The following POP5 variants were observed in gnomAD, a reference collection of about 807,000 sequenced individuals.
The protein encoded by POP5 is POP5 ribonuclease P/MRP subunit.
In POP5, 18 loss-of-function variants were observed where a neutral mutation model predicts 20.7. That is an observed-to-expected ratio of 0.87 (90% confidence interval 0.60 to 1.29). The LOEUF (loss-of-function observed/expected upper bound fraction) is 1.29, where lower values mean the gene tolerates loss of function less well. Among genes scored for constraint, POP5 ranks in the 50% most tolerant of loss-of-function variants. The pLI, the probability that POP5 is intolerant of heterozygous loss-of-function variation, is 0.00. For synonymous variants in POP5, 91 were observed against 78.0 expected, an observed-to-expected ratio of 1.17 and a Z score of -0.88; for missense variants, 200 against 203.2, an observed-to-expected ratio of 0.98 and a Z score of 0.10.
chr12:120,580,929 G>T, intron 2 of POP5, 186 bp downstream of exon 2: 1 of 884,860 alleles, frequency 1.1e-6, no homozygotes. Context: ...CTGCCTTCGG[G>T]CCCCTCCTTT....
Position 120,579,757 on chromosome 12 carries a change from TACC to T in POP5, c.313+14_313+16del, listed in dbSNP as rs769822031. 2 of 1,597,108 alleles carry T rather than the reference TACC, an allele frequency of 1.3e-6. No individual in the cohort carries two copies. The highest frequency in any genetic ancestry group is 2.2e-5 in the South Asian group (2 of 90,652). On this transcript the variant is annotated intron_variant, in intron 3 of 4. Transcript: ENST00000357500. ...GTCACCAATTGAAAATCAGTAGCCA[TACC>T]ACCTCACTCCTACCTCCCACATGTA...
intron 2 of POP5, 98 bp from the exon 3 acceptor site, chr12:120,580,021 C>T: frequency 8.3e-7 from 1 of 1,211,464 alleles, no homozygotes; most frequent in Non-Finnish European, 1.2e-6. Flanking sequence ...GCGGGCAGAT[C>T]ACTTTAAGTC....
chr12:120,581,013 A>G, intron 2 of POP5, 102 bp downstream of exon 2: 1 of 1,501,664 alleles, frequency 6.7e-7, no homozygotes, highest in East Asian at 2.3e-5. Flanking sequence ...AAAACGGTGC[A>G]CGGGCTTGGC....
At chr12:120,580,240 C>A in intron 2 of POP5, 2 of 244,900 alleles carry the variant, frequency 8.2e-6, no homozygotes, top group Non-Finnish European at 1.6e-5. Flanking sequence ...CAGACTGTCT[C>A]GAAAAAAGGA....
At position 120,579,208 on chromosome 12, in the gene POP5, G is replaced by T; in HGVS notation, c.*110C>A. ...AGTGGGTAATGTCTGCTGGTTGGCAGCTATCCAGTTTGGAAAACTGTGGAA... is the reference window on the plus strand; with the variant it reads ...AGTGGGTAATGTCTGCTGGTTGGCATCTATCCAGTTTGGAAAACTGTGGAA... On this transcript the variant is annotated 3_prime_UTR_variant, in exon 5 of 5. Coordinates refer to ENST00000357500, the MANE Select transcript of POP5 (RefSeq NM_015918.4). 1.0e-6 allele frequency: 1 copy of T among 969,488 alleles called. No homozygotes were observed. Among genetic ancestry groups the T allele is most frequent in the Non-Finnish European group, 1.6e-6 (1 of 607,032 alleles). The allele number at this position is 969,488 out of a possible 1,614,324, so 60.1% of individuals were successfully genotyped here. A position where few individuals can be genotyped will look rare whatever the true frequency, so the allele number is the denominator to read the frequency against.
At chr12:120,580,990 A>C (rs1877832798) in intron 2 of POP5, 125 bp downstream of exon 2, 1 of 1,426,444 alleles carries the variant, frequency 7.0e-7, no homozygotes, top group Non-Finnish European at 9.4e-7. Flanking sequence ...GCGCTTAAAG[A>C]GATACCTTAC....
intron 3 of POP5, 64 bp downstream of exon 3, chr12:120,579,710 G>A: frequency 6.4e-7 from 1 of 1,556,326 alleles, no homozygotes; most frequent in Non-Finnish European, 8.9e-7. Context: ...CCACCCACCA[G>A]TTTAGACTGA....
In POP5 at chr12:120,581,100, C is replaced by G; in HGVS notation, c.163+15G>C. The G allele has an allele frequency of 6.2e-7, 1 of 1,607,414 alleles. No individual in the cohort carries two copies. The highest frequency in any genetic ancestry group is 8.5e-7 in the Non-Finnish European group (1 of 1,179,652). On this transcript the variant is annotated intron_variant, in intron 2 of 4. Coordinates refer to ENST00000357500, the MANE Select transcript of POP5 (RefSeq NM_015918.4). Reference sequence around the variant, plus strand: ...CATCCTCCCGGGTTCCCCTCTTCCCCCAGCGCCCTTGCACCCGCGAAGCCG... The same window carrying G: ...CATCCTCCCGGGTTCCCCTCTTCCCGCAGCGCCCTTGCACCCGCGAAGCCG...
chr12:120,581,227 G>A lies in POP5; in HGVS notation c.51C>T (p.Asp17=). 6 of 1,614,212 alleles carry A rather than the reference G, an allele frequency of 3.7e-6. No homozygotes were observed. The highest frequency in any genetic ancestry group is 1.6e-4 in the Middle Eastern group (1 of 6,062). The stretch of plus-strand genomic sequence containing the variant: ...CATCGAGGCTTAGGCGGCAGCGGGG[G>A]TCGTCAGACACCAGTTCGCAGAGCA... ...RYLLCELVSD[D]PRCRLSLDDR... Residue 17 remains aspartate, a synonymous_variant, in exon 2 of 5, where the codon GAC becomes GAT. Transcript: ENST00000357500.
chr12:120,579,488 G>T (rs755771191), intron 4 of POP5, 26 bp downstream of exon 4: 36 of 1,609,696 alleles, frequency 2.2e-5, no homozygotes, highest in Admixed American at 1.0e-4. Flanking sequence ...TCACTGCTCA[G>T]TGGGCACTGG....
At chr12:120,580,765 TATG>T (rs1161820291) in intron 2 of POP5, 3 of 267,296 alleles carry the variant, frequency 1.1e-5, no homozygotes, top group East Asian at 1.6e-4. Context: ...TTTTTTTCCA[TATG>T]ATGTTAATGT....
Position 120,581,371 on chromosome 12 carries a change from C to G in POP5, c.-9G>C. The G allele has an allele frequency of 6.2e-7, 1 of 1,611,102 alleles. No homozygotes were observed. Among genetic ancestry groups the G allele is most frequent in the Non-Finnish European group, 8.5e-7 (1 of 1,178,856 alleles). On this transcript the variant is annotated 5_prime_UTR_variant, in exon 1 of 5. Coordinates refer to ENST00000357500, the MANE Select transcript of POP5 (RefSeq NM_015918.4). ...TGCTTGAACCGCACCATGGCTGCCT[C>G]CGCGCTCTCCGGTCCGGCGTGCAAA...
At chr12:120,579,621 A>G in intron 3 of POP5, 24 bp from the exon 4 acceptor site, 7 of 1,601,370 alleles carry the variant, frequency 4.4e-6, no homozygotes, top group Non-Finnish European at 6.0e-6. Flanking sequence ...TACTGTGGTC[A>G]ACAGCTTGTG....
At chr12:120,580,985 T>C (rs1877832626) in intron 2 of POP5, 130 bp downstream of exon 2, 1 of 1,414,562 alleles carries the variant, frequency 7.1e-7, no homozygotes, top group Non-Finnish European at 9.5e-7. Flanking sequence ...CCCAGGCGCT[T>C]AAAGAGATAC....
At position 120,579,339 on chromosome 12, in the gene POP5, C is replaced by T. The variant is rs1320358635; in HGVS notation, c.471G>A (p.Glu157=). The part of the protein sequence containing the change: ...LLEEEEESGE[E]AAEAME ...AGGTTCACTCCATTGCTTCTGCAGC[C>T]TCCTCACCTGACTCCTCCTCCTCCT... The change falls in exon 5 of 5, where the codon GAG becomes GAA. Residue 157 remains glutamate, a synonymous_variant. Transcript: ENST00000357500. The T allele has an allele frequency of 1.2e-6, 2 of 1,614,170 alleles. No homozygotes were observed. Among genetic ancestry groups the T allele is most frequent in the Non-Finnish European group, 8.5e-7 (1 of 1,179,990 alleles).
intron 2 of POP5, 46 bp from the exon 3 acceptor site, chr12:120,579,969 T>C (rs1329265423): frequency 1.0e-5 from 16 of 1,576,194 alleles, no homozygotes; most frequent in Non-Finnish European, 1.4e-5. Flanking sequence ...TTGCTCTGTG[T>C]GGTGGCTCAC....
At chr12:120,579,439 A>T in intron 4 of POP5, 27 bp from the exon 5 acceptor site, 1 of 1,610,028 alleles carries the variant, frequency 6.2e-7, no homozygotes, top group Non-Finnish European at 8.5e-7. Context: ...ACAGGGATGA[A>T]AGATATCTTT....
chr12:120,578,973 G>C lies in POP5; in HGVS notation c.*345C>G. On this transcript the variant is annotated 3_prime_UTR_variant, in exon 5 of 5. Transcript: ENST00000357500. Reference sequence around the variant, plus strand: ...GAGTCAGTCTTCCCACCAAGGCTAGGGATAGAGAGAGAACAGAGACTTGGC... The same window carrying C: ...GAGTCAGTCTTCCCACCAAGGCTAGCGATAGAGAGAGAACAGAGACTTGGC... The C allele has an allele frequency of 3.3e-6, 1 of 298,958 alleles. No individual in the cohort carries two copies. The highest frequency in any genetic ancestry group is 4.6e-5 in the Admixed American group (1 of 21,758). 18.5% of individuals were successfully genotyped at this position (298,958 alleles called of 1,614,324 possible).
At chr12:120,581,309 A>G (rs756487254) in intron 1 of POP5, 34 bp downstream of exon 1, 1 of 1,614,208 alleles carries the variant, frequency 6.2e-7, no homozygotes, top group African/African-American at 1.3e-5. Context: ...AGGACCCAGC[A>G]AGGCACTGGG....
Sources: gnomAD v4.1 joint callset for allele counts on GRCh38, gnomAD v4.1.1 for gene constraint, MANE v1.5 for transcripts, NCBI Gene and HGNC (gene_info 2026-07-23, HGNC 2026-07-21) for gene names.